The following NEK1 variants were observed in gnomAD, a reference collection of about 807,000 sequenced individuals.
The protein encoded by NEK1 is NIMA related kinase 1, also known as serine/threonine-protein kinase Nek1.
In NEK1, 137 loss-of-function variants were observed where a neutral mutation model predicts 182.1. The ratio of observed to expected loss-of-function variants is 0.75; its 90% CI spans 0.65 to 0.87. NEK1 has a LOEUF of 0.87. NEK1 is among the 40% of genes least tolerant of loss of function. The probability of loss-of-function intolerance (pLI) is 0.00; values close to 1 mark genes in which losing one functional copy is unlikely to be tolerated. For missense variants in NEK1, 1,391 were observed against 1,494.4 expected, an observed-to-expected ratio of 0.93 and a Z score of 1.14; for synonymous variants, 513 against 492.2, an observed-to-expected ratio of 1.04 and a Z score of -0.56.
chr4:169,512,675 T>A (rs1393453852), intron 19 of NEK1, among the ~76,000 whole-genome samples: 1 of 152,068 alleles, frequency 6.6e-6, no homozygotes, highest in African/African-American at 2.4e-5. Context: ...GTCTAATAAC[T>A]CTTTGCCTAG....
At chr4:169,529,301 CAA>C (rs34347908) in intron 19 of NEK1, among the ~76,000 whole-genome samples, 4 of 151,562 alleles carry the variant, frequency 2.6e-5, no homozygotes, top group Admixed American at 2.0e-4. Context: ...AATTTAAAAA[CAA>C]AAAAAAGAGC....
chr4:169,477,353 C>G lies in NEK1; in HGVS notation c.2206-1G>C. 6.4e-7 allele frequency: 1 copy of G among 1,565,120 alleles called. No individual in the cohort carries two copies. The highest frequency in any genetic ancestry group is 8.7e-7 in the Non-Finnish European group (1 of 1,153,340). On this transcript the variant is annotated splice_acceptor_variant, in intron 25 of 35. Transcript: ENST00000507142. LOFTEE classifies it high-confidence loss of function. ...ATCTACGAAGTATTTCTCGCTTACT[C>G]TGAAAGTCACGACATTATATATTTT...
At chr4:169,414,644 C>T (rs965345225) in intron 31 of NEK1, among the ~76,000 whole-genome samples, 5 of 152,098 alleles carry the variant, frequency 3.3e-5, no homozygotes, top group African/African-American at 1.2e-4. Flanking sequence ...GGAATGTGGA[C>T]CACCAGCAGC....
At position 169,510,945 on chromosome 4, in the gene NEK1, T is replaced by G. The variant is rs141950493; in HGVS notation, c.1666-2093A>C. ...GTGCTTCCTTTGACCTTCCATACCA[T>G]TTCTTTATAGAAACCTCTCACAGTA... On this transcript the variant is annotated intron_variant, in intron 19 of 35. Coordinates refer to ENST00000507142, the MANE Select transcript of NEK1 (RefSeq NM_001199397.3). 1.1e-4 allele frequency among the ~76,000 whole-genome samples: 16 copies of G among 152,254 alleles called. No homozygotes were observed. The East Asian group carries it at 3.1e-3, about 29-fold the overall frequency.
chr4:169,612,285 A>G lies in NEK1; in HGVS notation c.-236T>C, dbSNP rs1455240785. The G allele has an allele frequency of 6.6e-6, 1 of 152,272 alleles. No homozygotes were observed. The highest frequency in any genetic ancestry group is 2.4e-5 in the African/African-American group (1 of 41,474). The allele number at this position is 152,272 out of a possible 1,614,324, so 9.4% of individuals were successfully genotyped here. On this transcript the variant is annotated 5_prime_UTR_variant, in exon 1 of 36. Coordinates refer to ENST00000507142, the MANE Select transcript of NEK1 (RefSeq NM_001199397.3). ...CGTCCTGTCTCGGGCGACGCCCGTAAGACAGGTCGACACTACCCCGACGAA... is the reference window on the plus strand; with the variant it reads ...CGTCCTGTCTCGGGCGACGCCCGTAGGACAGGTCGACACTACCCCGACGAA...
At chr4:169,518,514 GCT>G (rs1374619404) in intron 19 of NEK1, among the ~76,000 whole-genome samples, 1 of 101,010 alleles carries the variant, frequency 9.9e-6, no homozygotes, top group African/African-American at 5.3e-5. Flanking sequence ...CTTCAGTTCT[GCT>G]CTGATTTTAG....
intron 27 of NEK1, among the ~76,000 whole-genome samples, chr4:169,448,737 T>C (rs959552178): frequency 2.0e-5 from 3 of 152,204 alleles, no homozygotes; most frequent in Non-Finnish European, 4.4e-5. Flanking sequence ...TCCAGCGTGC[T>C]TGATGGAGAA....
chr4:169,544,653 A>G lies in NEK1; in HGVS notation c.1563-6742T>C, dbSNP rs950567959. Among the ~76,000 whole-genome samples, 4 of 106,602 alleles carry G rather than the reference A, an allele frequency of 3.8e-5. No homozygotes were observed. The Admixed American group carries it at 5.4e-4, about 15-fold the overall frequency. 69.9% of individuals were successfully genotyped at this position (106,602 alleles called of 152,430 possible). A position where few individuals can be genotyped will look rare whatever the true frequency, so the allele number is the denominator to read the frequency against. Reference sequence around the variant, plus strand: ...TGGTAGGCTATTAATTACTGCCTCAATTTCAGAACTTGTTATTGGTCTATT... The same window carrying G: ...TGGTAGGCTATTAATTACTGCCTCAGTTTCAGAACTTGTTATTGGTCTATT... On this transcript the variant is annotated intron_variant, in intron 18 of 35. Coordinates refer to ENST00000507142, the MANE Select transcript of NEK1 (RefSeq NM_001199397.3).
intron 8 of NEK1, 95 bp downstream of exon 8, chr4:169,588,554 T>C: frequency 1.5e-6 from 1 of 672,074 alleles, no homozygotes; most frequent in Non-Finnish European, 2.6e-6. Context: ...CATGTATGTA[T>C]TATTTATTTT....
chr4:169,539,528 T>A (rs1331727739), intron 18 of NEK1, among the ~76,000 whole-genome samples: 1 of 152,162 alleles, frequency 6.6e-6, no homozygotes, highest in Non-Finnish European at 1.5e-5. Context: ...AGGCTGGGCC[T>A]GAGGAGGCAG....
intron 4 of NEK1, among the ~76,000 whole-genome samples, chr4:169,601,402 C>T (rs559670328): frequency 2.6e-5 from 4 of 152,266 alleles, no homozygotes; most frequent in African/African-American, 9.6e-5. Flanking sequence ...TTTAGAGAAG[C>T]TTTGCCTTAT....
chr4:169,433,694 T>A (rs1395982431), intron 28 of NEK1, 29 bp from the exon 29 acceptor site: 2 of 1,606,710 alleles, frequency 1.2e-6, no homozygotes, highest in African/African-American at 2.7e-5. Context: ...ACGAGAGACA[T>A]CTCAAAGCAA....
intron 23 of NEK1, among the ~76,000 whole-genome samples, chr4:169,481,331 A>G (rs542589862): frequency 2.0e-5 from 3 of 152,360 alleles, no homozygotes; most frequent in South Asian, 4.1e-4. Context: ...TAGAATGATG[A>G]ATGATGAATA....
At chr4:169,585,693 C>A (rs1438188058) in intron 9 of NEK1, 144 bp from the exon 10 acceptor site, 12 of 538,942 alleles carry the variant, frequency 2.2e-5, no homozygotes, top group Non-Finnish European at 3.5e-5. Context: ...TTTTCTAGAG[C>A]AAAGTTTACT....
At chr4:169,525,887 C>A (rs1196032682) in intron 19 of NEK1, among the ~76,000 whole-genome samples, 1 of 152,196 alleles carries the variant, frequency 6.6e-6, no homozygotes, top group Non-Finnish European at 1.5e-5. Flanking sequence ...GGTTTGCACC[C>A]TGTTTCTGGG....
intron 23 of NEK1, among the ~76,000 whole-genome samples, chr4:169,505,408 A>G (rs1753082179): frequency 1.3e-5 from 2 of 151,994 alleles, no homozygotes; most frequent in East Asian, 3.9e-4. Flanking sequence ...TAGTAAATAT[A>G]TTTTCTCTTC....
intron 16 of NEK1, among the ~76,000 whole-genome samples, chr4:169,557,059 T>C (rs1762266634): frequency 6.6e-6 from 1 of 152,138 alleles, no homozygotes; most frequent in Non-Finnish European, 1.5e-5. Flanking sequence ...TTATAAAGTT[T>C]CTAGCAGCAG....
At position 169,434,248 on chromosome 4, in the gene NEK1, G is replaced by A. The variant is rs1001853822; in HGVS notation, c.2765-583C>T. Among the ~76,000 whole-genome samples the A allele has an allele frequency of 8.6e-5, 10 of 115,726 alleles. 1 individual carries two copies. The East Asian group carries it at 2.4e-3, about 28-fold the overall frequency. 75.9% of individuals were successfully genotyped at this position (115,726 alleles called of 152,430 possible). A position where few individuals can be genotyped will look rare whatever the true frequency, so the allele number is the denominator to read the frequency against. ...TTTGAGACAGGGTTTCACTCCCATC[G>A]CCCAGGCTGGAGTGCAGTGGTGTGC... On this transcript the variant is annotated intron_variant, in intron 28 of 35. Transcript: ENST00000507142.
intron 32 of NEK1, among the ~76,000 whole-genome samples, chr4:169,405,544 T>C (rs2111085377): frequency 1.3e-5 from 2 of 152,300 alleles, no homozygotes; most frequent in East Asian, 3.9e-4. Flanking sequence ...CCTGTAATCC[T>C]AGCTATTTGG....
Sources: allele counts gnomAD v4.1 joint callset (sites outside exome capture counted in the v4.1 genomes callset), GRCh38; gene constraint gnomAD v4.1.1; transcripts MANE v1.5; gene names NCBI Gene and HGNC (gene_info 2026-07-23, HGNC 2026-07-21).